CERS6: variants seen among roughly 807,000 people sequenced by gnomAD.
The protein encoded by CERS6 is ceramide synthase 6, also known as LAG1 homolog, ceramide synthase 6.
CERS6 carries 26 observed loss-of-function variants against 56.8 expected under a neutral mutation model. That is an observed-to-expected ratio of 0.46 (90% CI 0.34 to 0.63). The LOEUF (loss-of-function observed/expected upper bound fraction) is 0.63. Ranked by LOEUF, CERS6 falls within the 30% of genes least tolerant of loss-of-function variation. CERS6 has a pLI of 0.01. For missense variants in CERS6, 415 were observed against 467.5 expected (o/e 0.89, Z 1.04); for synonymous variants, 164 against 173.3 (o/e 0.95, Z 0.42).
chr2:168,684,038 A>G (rs1451940726), intron 4 of CERS6, among the ~76,000 whole-genome samples: 1 of 152,160 alleles, frequency 6.6e-6, no homozygotes, highest in East Asian at 1.9e-4. Flanking sequence ...CTTTCTACCT[A>G]TATATACTTC....
rs199879257 is a variant in CERS6, at chr2:168,631,871, ATG to A, written c.465+833_465+834del. Among the ~76,000 whole-genome samples the A allele has an allele frequency of 0.012, 1,679 of 135,732 alleles. 74 individuals are homozygous for A. In the East Asian group the frequency reaches 0.13, roughly 11 times the overall value. The allele number at this position is 135,732 out of a possible 152,430, so 89.0% of individuals were successfully genotyped here. A position where few individuals can be genotyped will look rare whatever the true frequency, so the allele number is the denominator to read the frequency against. ...ATATATTATATATTATACATTTATT[ATG>A]TGTTATATAATTATATATTACATAT... On this transcript the variant is annotated intron_variant, in intron 4 of 9. Coordinates refer to ENST00000305747, the MANE Select transcript of CERS6 (RefSeq NM_203463.3).
rs1455533998 is a variant in CERS6, at chr2:168,765,768, T to G, written c.1002+20T>G. ...GGCAAGGTAAGCTACAACTCACTTT[T>G]TCCAATATGTCTTAAAAAATTTTGT... On this transcript the variant is annotated intron_variant, in intron 9 of 9. Coordinates refer to ENST00000305747, the MANE Select transcript of CERS6 (RefSeq NM_203463.3). 1 of 1,595,980 alleles carries G rather than the reference T, an allele frequency of 6.3e-7. No individual in the cohort carries two copies.
At chr2:168,754,979 C>T (rs969334564) in intron 8 of CERS6, among the ~76,000 whole-genome samples, 3 of 152,160 alleles carry the variant, frequency 2.0e-5, no homozygotes, top group African/African-American at 7.2e-5. Flanking sequence ...CACTATGTTG[C>T]CCAGGGTGTT....
intron 3 of CERS6, among the ~76,000 whole-genome samples, chr2:168,600,797 A>G (rs1231621458): frequency 6.6e-6 from 1 of 152,216 alleles, no homozygotes; most frequent in African/African-American, 2.4e-5. Context: ...GCTTGTACTC[A>G]TTAAATCTTA....
At chr2:168,550,587 G>A (rs1028533364) in intron 2 of CERS6, among the ~76,000 whole-genome samples, 1 of 152,300 alleles carries the variant, frequency 6.6e-6, no homozygotes, top group Non-Finnish European at 1.5e-5. Context: ...CTGTGACTTA[G>A]TGTGCACATG....
At chr2:168,766,443 C>A in intron 9 of CERS6, 2 of 1,088,356 alleles carry the variant, frequency 1.8e-6, no homozygotes, top group South Asian at 1.2e-5. Context: ...ATTGTTCTGT[C>A]TAACCTATTG....
chr2:168,682,811 C>T (rs1206924809), intron 4 of CERS6, among the ~76,000 whole-genome samples: 1 of 152,206 alleles, frequency 6.6e-6, no homozygotes, highest in Admixed American at 6.5e-5. Flanking sequence ...CAGCTCATTC[C>T]TGAAAATTGT....
Position 168,772,661 on chromosome 2 carries a change from A to T in CERS6, c.*2999A>T, listed in dbSNP as rs184444331. The T allele has an allele frequency of 6.5e-6, 1 of 152,788 alleles. No individual in the cohort carries two copies. Among genetic ancestry groups the T allele is most frequent in the East Asian group, 1.9e-4 (1 of 5,180 alleles). The allele number at this position is 152,788 out of a possible 1,614,324, so 9.5% of individuals were successfully genotyped here. A position where few individuals can be genotyped will look rare whatever the true frequency, so the allele number is the denominator to read the frequency against. On this transcript the variant is annotated 3_prime_UTR_variant, in exon 10 of 10. Coordinates refer to ENST00000305747, the MANE Select transcript of CERS6 (RefSeq NM_203463.3). Reference sequence around the variant, plus strand: ...GCACCTAAGGCCAGCATATAAGCCAACTACAGTTCACCTTTCCAAATTTGG... The same window carrying T: ...GCACCTAAGGCCAGCATATAAGCCATCTACAGTTCACCTTTCCAAATTTGG...
At chr2:168,458,997 C>T (rs1215587376) in intron 1 of CERS6, among the ~76,000 whole-genome samples, 3 of 152,232 alleles carry the variant, frequency 2.0e-5, no homozygotes, top group Non-Finnish European at 4.4e-5. Context: ...CTACAACTCA[C>T]ATTCAATGGC....
At chr2:168,746,491 G>A (rs553693709) in intron 8 of CERS6, among the ~76,000 whole-genome samples, 2 of 151,972 alleles carry the variant, frequency 1.3e-5, no homozygotes, top group African/African-American at 4.8e-5. Context: ...CTCCATCTAA[G>A]GAAGATTTGG....
At chr2:168,649,697 C>T (rs1346280491) in intron 4 of CERS6, among the ~76,000 whole-genome samples, 3 of 152,070 alleles carry the variant, frequency 2.0e-5, no homozygotes, top group Non-Finnish European at 4.4e-5. Flanking sequence ...CCCTTCCTAC[C>T]TTGGCTTACC....
At chr2:168,575,091 C>T (rs1185232756) in intron 3 of CERS6, among the ~76,000 whole-genome samples, 1 of 152,190 alleles carries the variant, frequency 6.6e-6, no homozygotes, top group African/African-American at 2.4e-5. Flanking sequence ...ACAGCTCTGA[C>T]TGCCAGCTCT....
intron 8 of CERS6, among the ~76,000 whole-genome samples, chr2:168,735,245 A>T (rs569806970): frequency 6.6e-6 from 1 of 152,188 alleles, no homozygotes; most frequent in South Asian, 2.1e-4. Context: ...TGCTGATACA[A>T]CTTCATGCCA....
chr2:168,457,316 C>G (rs965515985), intron 1 of CERS6, among the ~76,000 whole-genome samples: 3 of 152,122 alleles, frequency 2.0e-5, no homozygotes, highest in Non-Finnish European at 4.4e-5. Context: ...AACTGATAAC[C>G]CTGTCCTGTG....
chr2:168,555,663 G>T (rs1300241072), intron 2 of CERS6, among the ~76,000 whole-genome samples: 1 of 150,912 alleles, frequency 6.6e-6, no homozygotes, highest in Non-Finnish European at 1.5e-5. Flanking sequence ...TAAGAGAGTG[G>T]GGCAGATGTA....
At chr2:168,557,669 C>T (rs1438024915) in intron 2 of CERS6, among the ~76,000 whole-genome samples, 1 of 152,076 alleles carries the variant, frequency 6.6e-6, no homozygotes, top group Non-Finnish European at 1.5e-5. Context: ...AAAATCAAAA[C>T]CCTACATTTA....
chr2:168,768,681 G>C (rs1316706618), intron 9 of CERS6, among the ~76,000 whole-genome samples: 1 of 151,824 alleles, frequency 6.6e-6, no homozygotes, highest in African/African-American at 2.4e-5. Flanking sequence ...CAAGGCAGGT[G>C]GATCACCTGA....
At chr2:168,739,453 C>T (rs986611454) in intron 8 of CERS6, among the ~76,000 whole-genome samples, 1 of 151,944 alleles carries the variant, frequency 6.6e-6, no homozygotes, top group African/African-American at 2.4e-5. Context: ...TAAAAATTTC[C>T]ATGAAAATTC....
At chr2:168,652,161 A>G (rs901602250) in intron 4 of CERS6, among the ~76,000 whole-genome samples, 1 of 152,078 alleles carries the variant, frequency 6.6e-6, no homozygotes, top group Non-Finnish European at 1.5e-5. Context: ...CTCTAATCAA[A>G]TAAGCAAACT....
Sources: allele counts gnomAD v4.1 joint callset (sites outside exome capture counted in the v4.1 genomes callset), GRCh38; gene constraint gnomAD v4.1.1; transcripts MANE v1.5; gene names NCBI Gene and HGNC (gene_info 2026-07-23, HGNC 2026-07-21).